Variants in GSTT4 observed in about 807,000 individuals in gnomAD.
GSTT4 encodes the protein glutathione S-transferase theta-4.
chr22:24,004,531 A>C (rs1276518930), intron 1 of GSTT4: 4 of 153,198 alleles, frequency 2.6e-5, no homozygotes, highest in Non-Finnish European at 4.4e-5. Flanking sequence ...ACCCTCACTC[A>C]GGGTTAGTGG....
At chr22:23,996,474 G>A (rs2034116760), downstream of GSTT4, among the ~76,000 whole-genome samples, 1 of 67,850 alleles carries the variant, frequency 1.5e-5, no homozygotes, top group Admixed American at 1.5e-4. Context: ...TATGGTGTTA[G>A]TTATAGGTTT....
intron 3 of GSTT4, among the ~76,000 whole-genome samples, 166 bp from the exon 4 acceptor site, chr22:24,000,417 C>T (rs1057044629): frequency 1.4e-5 from 2 of 146,590 alleles, no homozygotes; most frequent in Non-Finnish European, 3.0e-5. Context: ...TGCTGGGAAC[C>T]ATGTGTTCAC....
chr22:23,993,316 T>C, the GSTT4 span, among the ~76,000 whole-genome samples: 1 of 152,202 alleles, frequency 6.6e-6, no homozygotes, highest in Admixed American at 6.5e-5. Flanking sequence ...TCCTGCCTTG[T>C]CCTCCCAAAG....
At chr22:23,991,083 C>T in the GSTT4 span, among the ~76,000 whole-genome samples, 565 of 68,184 alleles carry the variant, frequency 8.3e-3, 1 homozygote, top group Middle Eastern at 0.025. Context: ...GGGGCTGAGG[C>T]GGGAGGATCG....
intron 1 of GSTT4, 41 bp from the exon 2 acceptor site, chr22:24,003,888 G>T: frequency 6.4e-6 from 1 of 155,344 alleles, no homozygotes. Context: ...GGGACTCCAG[G>T]GGAGAGAGAA....
At chr22:23,994,633 T>C (rs1300556223), downstream of GSTT4, among the ~76,000 whole-genome samples, 1 of 146,424 alleles carries the variant, frequency 6.8e-6, no homozygotes, top group Non-Finnish European at 1.5e-5. Context: ...ATATTCAATT[T>C]TATGGACTTT....
rs934250266 is a variant in GSTT4 at position 23,998,512 on chromosome 22, C to T, written c.*30G>A. 1.6e-5 allele frequency: 2 copies of T among 124,966 alleles called. No individual in the cohort carries two copies. The highest frequency in any genetic ancestry group is 5.9e-5 in the African/African-American group (2 of 33,884). The allele number at this position is 124,966 out of a possible 1,614,324, so 7.7% of individuals were successfully genotyped here. On this transcript the variant is annotated 3_prime_UTR_variant, in exon 5 of 5. Coordinates refer to ENST00000621179, the MANE Select transcript of GSTT4 (RefSeq NM_001358664.2). ...AGGTGGCTCAGATTGCTAAGCCAGC[C>T]AGGCCCTGCGGGACAGGCTGCGCCT...
chr22:23,993,727 G>A (rs2034089450), downstream of GSTT4, among the ~76,000 whole-genome samples: 3 of 152,130 alleles, frequency 2.0e-5, no homozygotes, highest in South Asian at 6.2e-4. Context: ...GGCTCCTCTA[G>A]ACACCAATCT....
chr22:24,001,545 C>T (rs1047521151), intron 2 of GSTT4, among the ~76,000 whole-genome samples: 1 of 152,258 alleles, frequency 6.6e-6, no homozygotes, highest in Admixed American at 6.5e-5. Flanking sequence ...GGTGGTATAA[C>T]AAAGAGTAGG....
chr22:23,994,850 A>G (rs1466303358), downstream of GSTT4, among the ~76,000 whole-genome samples: 12 of 152,036 alleles, frequency 7.9e-5, no homozygotes, highest in Admixed American at 7.9e-4. Context: ...TCTGCCTCTC[A>G]TTCATATGCT....
At chr22:23,993,504 A>T (rs2034087271), downstream of GSTT4, among the ~76,000 whole-genome samples, 1 of 152,224 alleles carries the variant, frequency 6.6e-6, no homozygotes, top group African/African-American at 2.4e-5. Context: ...GGTGATCCAA[A>T]TGCACCTTAA....
At chr22:23,992,001 C>T in the GSTT4 span, among the ~76,000 whole-genome samples, 2 of 144,040 alleles carry the variant, frequency 1.4e-5, no homozygotes, top group East Asian at 2.1e-4. Context: ...TGCAGTGAGC[C>T]GAGCTCACGC....
the GSTT4 span, among the ~76,000 whole-genome samples, chr22:23,991,822 A>AG: frequency 3.7e-5 from 5 of 135,484 alleles, no homozygotes; most frequent in African/African-American, 7.8e-5. Flanking sequence ...TGGGAGACCG[A>AG]GGGGGGTGGA....
downstream of GSTT4, among the ~76,000 whole-genome samples, chr22:23,993,710 A>T (rs1434912449): frequency 7.1e-5 from 8 of 112,090 alleles, no homozygotes; most frequent in East Asian, 2.3e-4. Flanking sequence ...TTCTCTAGAA[A>T]CTGATGGGCT....
At chr22:23,993,829 A>T (rs1007419704), downstream of GSTT4, among the ~76,000 whole-genome samples, 33 of 149,854 alleles carry the variant, frequency 2.2e-4, no homozygotes, top group African/African-American at 7.6e-4. Context: ...TTATGTGTGG[A>T]CAAGGAGATA....
chr22:23,992,991 T>C, the GSTT4 span, among the ~76,000 whole-genome samples: 3 of 152,120 alleles, frequency 2.0e-5, no homozygotes, highest in African/African-American at 4.8e-5. Flanking sequence ...CAGGGTGCTC[T>C]TGAATTCCTT....
rs34498214 is a variant in GSTT4, at chr22:24,001,703, CG to C, written c.201-379del. 3.9e-5 allele frequency among the ~76,000 whole-genome samples: 6 copies of C among 152,212 alleles called. No homozygotes were observed. The South Asian group carries it at 8.3e-4, about 21-fold the overall frequency. On this transcript the variant is annotated intron_variant, in intron 2 of 4. Transcript: ENST00000621179. ...CAAGATCCTTTTTCAAAAACAAAAA[CG>C]GGGGGGCACGATGGCTCACACCTGT...
intron 4 of GSTT4, among the ~76,000 whole-genome samples, chr22:23,999,499 T>C (rs1316002820): frequency 1.6e-5 from 2 of 121,778 alleles, no homozygotes; most frequent in African/African-American, 6.5e-5. Context: ...CAGTGTGCAG[T>C]GCCCTAGCTG....
chr22:23,993,842 G>T (rs184928419), downstream of GSTT4, among the ~76,000 whole-genome samples: 28 of 152,270 alleles, frequency 1.8e-4, no homozygotes, highest in East Asian at 5.4e-3. Flanking sequence ...AGGAGATAGG[G>T]ACAAGTAGGC....
Sources: gnomAD v4.1 joint callset for allele counts (sites outside exome capture counted in the v4.1 genomes callset) on GRCh38, gnomAD v4.1.1 for gene constraint, MANE v1.5 for transcripts, NCBI Gene and HGNC (gene_info 2026-07-23, HGNC 2026-07-21) for gene names.